RBM38: variants seen among roughly 807,000 people sequenced by gnomAD.
RBM38 encodes the protein RNA binding motif protein 38, also known as RNA-binding protein 38.
A neutral mutation model predicts 23.5 loss-of-function variants in RBM38; 11 were observed. The observed-to-expected ratio is 0.47, with a 90% CI of 0.29 to 0.77. RBM38 has a LOEUF of 0.77. Among genes scored for constraint, RBM38 ranks in the 30% least tolerant of loss-of-function variants. The probability of loss-of-function intolerance (pLI) is 0.08; values close to 1 mark genes in which losing one functional copy is unlikely to be tolerated. For synonymous variants in RBM38, 165 were observed against 166.1 expected, an observed-to-expected ratio of 0.99 and a Z score of 0.05; for missense variants, 330 against 351.9, an observed-to-expected ratio of 0.94 and a Z score of 0.50.
At chr20:57,392,529 G>C in intron 1 of RBM38, 125 bp from the exon 2 acceptor site, 1 of 1,521,102 alleles carries the variant, frequency 6.6e-7, no homozygotes, top group Non-Finnish European at 8.8e-7. Context: ...AGGACCCTGG[G>C]TCACAGGCAC....
At chr20:57,406,230 G>A (rs2067382058) in intron 3 of RBM38, among the ~76,000 whole-genome samples, 1 of 152,230 alleles carries the variant, frequency 6.6e-6, no homozygotes, top group Admixed American at 6.5e-5. Context: ...CCAGGCCACC[G>A]AGCAGCTGGT....
Position 57,391,500 on chromosome 20 carries a change from C to T in RBM38, c.-82C>T. The T allele has an allele frequency of 3.3e-6, 1 of 301,610 alleles. No individual in the cohort carries two copies. The highest frequency in any genetic ancestry group is 4.8e-6 in the Non-Finnish European group (1 of 207,356). 18.7% of individuals were successfully genotyped at this position (301,610 alleles called of 1,614,324 possible). On this transcript the variant is annotated 5_prime_UTR_variant, in exon 1 of 4. Coordinates refer to ENST00000356208, the MANE Select transcript of RBM38 (RefSeq NM_017495.6). ...GGGCCTGGCGGCTGGACGGGCGCCC[C>T]TCGCTGCCCCGCGCGCTCCCCGCCG...
Position 57,407,671 on chromosome 20 carries a change from A to G in RBM38, c.545A>G (p.Tyr182Cys), listed in dbSNP as rs776066482. ...YTPASPAYAQ[Y>C]PPATYDQYPY... ...CCGGCCAGCCCGGCCTACGCCCAGT[A>G]CCCACCGGCCACCTATGACCAGTAC... Residue 182 changes from tyrosine to cysteine, a missense_variant, in exon 4 of 4, where the codon TAC becomes TGC. Tyr to Cys is a radical substitution (Grantham distance 194). Transcript: ENST00000356208. This position sits in a 1 kb window ranked among gnomAD's most constrained non-coding sequence, Gnocchi z 4.0. The G allele has an allele frequency of 2.6e-5, 42 of 1,612,484 alleles. No individual in the cohort carries two copies. The highest frequency in any genetic ancestry group is 3.5e-5 in the Non-Finnish European group (41 of 1,179,664).
Position 57,408,240 on chromosome 20 carries a change from G to A in RBM38, c.*394G>A, listed in dbSNP as rs997288150. On this transcript the variant is annotated 3_prime_UTR_variant, in exon 4 of 4. Coordinates refer to ENST00000356208, the MANE Select transcript of RBM38 (RefSeq NM_017495.6). ...CTGCAGCCCCTGGCTGCCCTGGACT[G>A]TGCAGAGATGCCTGACTCCAGGGAA... 1.4e-5 allele frequency: 4 copies of A among 278,740 alleles called. No homozygotes were observed. The highest frequency in any genetic ancestry group is 2.8e-5 in the Non-Finnish European group (4 of 143,982). The allele number at this position is 278,740 out of a possible 1,614,324, so 17.3% of individuals were successfully genotyped here.
rs2067211263 is a variant in RBM38, at chr20:57,391,422, AG to A, written c.-159del. On this transcript the variant is annotated 5_prime_UTR_variant, in exon 1 of 4. Coordinates refer to ENST00000356208, the MANE Select transcript of RBM38 (RefSeq NM_017495.6). ...CAGAGTCCCCGCAGCGCCGGTCGGG[AG>A]CGCAGCGCGGCGCACGTCGGCGCGC... 6.8e-6 allele frequency: 1 copy of A among 146,470 alleles called. No individual in the cohort carries two copies. Among genetic ancestry groups the A allele is most frequent in the Non-Finnish European group, 1.5e-5 (1 of 66,688 alleles). The allele number at this position is 146,470 out of a possible 1,614,324, so 9.1% of individuals were successfully genotyped here. A position where few individuals can be genotyped will look rare whatever the true frequency, so the allele number is the denominator to read the frequency against.
intron 3 of RBM38, among the ~76,000 whole-genome samples, chr20:57,400,868 C>T (rs1468351793): frequency 2.6e-5 from 4 of 152,112 alleles, no homozygotes; most frequent in African/African-American, 9.7e-5. Context: ...GGCTCCTGCC[C>T]TCTCCTTTGA....
intron 3 of RBM38, among the ~76,000 whole-genome samples, chr20:57,398,189 C>T (rs8117859): frequency 0.037 from 5,599 of 152,000 alleles, 358 homozygotes; most frequent in African/African-American, 0.13. Flanking sequence ...TCTTGGGAGT[C>T]TTTTATTATT....
chr20:57,404,010 T>G (rs6025534), intron 3 of RBM38, among the ~76,000 whole-genome samples: 2 of 152,104 alleles, frequency 1.3e-5, no homozygotes, highest in Admixed American at 1.3e-4. Context: ...TCTGCAAGGG[T>G]CAGGAAACAG....
chr20:57,391,639 G>A lies in RBM38; in HGVS notation c.58G>A (p.Ala20Thr). 1 of 1,460,332 alleles carries A rather than the reference G, an allele frequency of 6.8e-7. No homozygotes were observed. Among genetic ancestry groups the A allele is most frequent in the East Asian group, 3.1e-5 (1 of 32,734 alleles). The allele number at this position is 1,460,332 out of a possible 1,614,324, so 90.5% of individuals were successfully genotyped here. The change falls in exon 1 of 4, where the codon GCC becomes ACC. Residue 20 changes from alanine (A) to threonine (T), a missense_variant. Coordinates refer to ENST00000356208, the MANE Select transcript of RBM38 (RefSeq NM_017495.6). ...PSAGFPRPLA[A>T]PGAMHGSQKD... ...CGCGGGCTTCCCGCGGCCCCTGGCC[G>A]CCCCCGGCGCCATGCACGGCTCGCA...
At chr20:57,403,377 C>T (rs891131615) in intron 3 of RBM38, among the ~76,000 whole-genome samples, 3 of 152,210 alleles carry the variant, frequency 2.0e-5, no homozygotes, top group Admixed American at 1.3e-4. Context: ...GGCGGGGCTT[C>T]GTGGCTGCTT....
At chr20:57,393,525 G>A (rs2067242754) in intron 3 of RBM38, among the ~76,000 whole-genome samples, 192 bp downstream of exon 3, 1 of 152,232 alleles carries the variant, frequency 6.6e-6, no homozygotes, top group East Asian at 1.9e-4. Context: ...CTAGGGGATG[G>A]TGAGCCTTGG....
chr20:57,394,901 C>T (rs892769925), intron 3 of RBM38, among the ~76,000 whole-genome samples: 1 of 152,136 alleles, frequency 6.6e-6, no homozygotes, highest in Admixed American at 6.6e-5. Context: ...GGCCTTCCCA[C>T]GTGCGTCTGG....
rs183105885 is a variant in RBM38 at position 57,407,930 on chromosome 20, C to T, written c.*84C>T. The T allele has an allele frequency of 1.8e-3, 2,593 of 1,462,942 alleles. 34 individuals are homozygous for T. In the African/African-American group the frequency reaches 0.03, roughly 17 times the overall value. 90.6% of individuals were successfully genotyped at this position (1,462,942 alleles called of 1,614,324 possible). ...AGGCCATGATGGGCTGGCGACAGCC[C>T]GGCTGAGCTTCAGTGAGGTGCCACC... is the stretch of plus-strand genomic sequence containing the variant. On this transcript the variant is annotated 3_prime_UTR_variant, in exon 4 of 4. Transcript: ENST00000356208. This position sits in a 1 kb window ranked among gnomAD's most constrained non-coding sequence, Gnocchi z 4.0.
intron 1 of RBM38, chr20:57,392,202 T>C: frequency 3.0e-6 from 1 of 334,010 alleles, no homozygotes; most frequent in Non-Finnish European, 5.9e-6. Context: ...CTCCCCCATA[T>C]TTTTAACAGC....
At position 57,407,590 on chromosome 20, in the gene RBM38, T is replaced by C; in HGVS notation, c.464T>C (p.Val155Ala). 1 of 1,613,752 alleles carries C rather than the reference T, an allele frequency of 6.2e-7. No individual in the cohort carries two copies. Among genetic ancestry groups the C allele is most frequent in the African/African-American group, 1.3e-5 (1 of 75,042 alleles). ...CCACCAGCCATCGTGCAGCCCAGCG[T>C]GGTGATCCCAGCCGCCCCTGTCCCG... is the stretch of plus-strand genomic sequence containing the variant. ...IYPPAIVQPS[V>A]VIPAAPVPSL... The change falls in exon 4 of 4, where the codon GTG (valine) becomes GCG (alanine). Residue 155 changes from valine to alanine, a missense_variant. This residue lies in a region of RBM38 where 227 missense variants were observed against 216.4 expected (regional missense o/e 1.05). Transcript: ENST00000356208. The surrounding 1 kb of genome is among the most constrained non-coding windows in gnomAD (Gnocchi z 4.0).
chr20:57,397,939 T>TG (rs575155281), intron 3 of RBM38, among the ~76,000 whole-genome samples: 1 of 152,160 alleles, frequency 6.6e-6, no homozygotes, highest in African/African-American at 2.4e-5. Context: ...AGTACAGTGG[T>TG]GGGGAGATGT....
chr20:57,395,886 A>AGC (rs1327674608), intron 3 of RBM38, among the ~76,000 whole-genome samples: 3 of 152,202 alleles, frequency 2.0e-5, no homozygotes, highest in African/African-American at 7.2e-5. Flanking sequence ...TTGGGCTGGC[A>AGC]GCGACTTGCT....
At position 57,392,289 on chromosome 20, in the gene RBM38, T is replaced by C. The variant is rs555264688; in HGVS notation, c.238-365T>C. On this transcript the variant is annotated intron_variant, in intron 1 of 3. Coordinates refer to ENST00000356208, the MANE Select transcript of RBM38 (RefSeq NM_017495.6). ...CACTTTCCTGCTTACCTTCCAAGCA[T>C]AGCGTCGCAAACTCCTTCTCAGAGG... 1,603 of 583,048 alleles carry C rather than the reference T, an allele frequency of 2.7e-3. 31 individuals are homozygous for C. Among genetic ancestry groups the C allele is most frequent in the South Asian group, 0.026 (1,509 of 59,046 alleles). 36.1% of individuals were successfully genotyped at this position (583,048 alleles called of 1,614,324 possible). A position where few individuals can be genotyped will look rare whatever the true frequency, so the allele number is the denominator to read the frequency against.
intron 3 of RBM38, among the ~76,000 whole-genome samples, chr20:57,394,487 C>T (rs1600744875): frequency 2.6e-5 from 4 of 152,144 alleles, no homozygotes; most frequent in Admixed American, 6.5e-5. Context: ...TGGGAGGAGC[C>T]GCTGGCTGAG....
Sources: allele counts gnomAD v4.1 joint callset (sites outside exome capture counted in the v4.1 genomes callset), GRCh38; gene constraint gnomAD v4.1.1; regional missense constraint gnomAD v4.1.1; non-coding constraint Gnocchi (gnomAD v3.1); transcripts MANE v1.5; gene names NCBI Gene and HGNC (gene_info 2026-07-23, HGNC 2026-07-21).